The following CDH6 variants were observed in gnomAD, a reference collection of about 807,000 sequenced individuals.
The protein encoded by CDH6 is cadherin-6.
Under a neutral mutation model 78.0 loss-of-function variants are expected in CDH6, and 31 were observed. That is an observed-to-expected ratio of 0.40 (90% CI 0.30 to 0.54). The LOEUF is 0.54. Ranked by LOEUF, CDH6 falls within the 20% of genes least tolerant of loss-of-function variation. CDH6 has a pLI of 0.56. For missense variants in CDH6, 724 were observed against 975.9 expected, an observed-to-expected ratio of 0.74 and a Z score of 3.44; for synonymous variants, 376 against 368.8, an observed-to-expected ratio of 1.02 and a Z score of -0.23.
intron 1 of CDH6, among the ~76,000 whole-genome samples, chr5:31,240,023 T>C (rs1741557825): frequency 6.6e-6 from 1 of 152,188 alleles, no homozygotes; most frequent in African/African-American, 2.4e-5. Context: ...GGGAAATGAA[T>C]TGGACCAGCA....
rs2149963166 is a variant in CDH6 at position 31,324,823 on chromosome 5, T to G, written c.*1515T>G. On this transcript the variant is annotated 3_prime_UTR_variant, in exon 12 of 12. Coordinates refer to ENST00000265071, the MANE Select transcript of CDH6 (RefSeq NM_004932.4). ...TCGTTTATTTCACACGCTGTTCTAA[T>G]GGCACTTATCATTAGAATCTTACCT... 2 of 206,028 alleles carry G rather than the reference T, an allele frequency of 9.7e-6. No individual in the cohort carries two copies. The highest frequency in any genetic ancestry group is 1.9e-4 in the South Asian group (1 of 5,262). The allele number at this position is 206,028 out of a possible 1,614,324, so 12.8% of individuals were successfully genotyped here. A position where few individuals can be genotyped will look rare whatever the true frequency, so the allele number is the denominator to read the frequency against.
chr5:31,315,666 T>C (rs996088161), intron 8 of CDH6, among the ~76,000 whole-genome samples: 1 of 152,254 alleles, frequency 6.6e-6, no homozygotes, highest in Non-Finnish European at 1.5e-5. Context: ...GATAAATTAC[T>C]TAACTTCTCC....
At chr5:31,253,950 C>T (rs535897785) in intron 1 of CDH6, among the ~76,000 whole-genome samples, 2 of 152,246 alleles carry the variant, frequency 1.3e-5, no homozygotes, top group Admixed American at 6.5e-5. Flanking sequence ...GTTTCTCTTT[C>T]CATGGCTTCA....
chr5:31,259,702 CTCT>C (rs1347727975), intron 1 of CDH6, among the ~76,000 whole-genome samples: 6 of 152,226 alleles, frequency 3.9e-5, no homozygotes, highest in African/African-American at 7.2e-5. Context: ...AAAATGCTTT[CTCT>C]TCTTCTTTGT....
At chr5:31,238,110 A>G (rs1257570788) in intron 1 of CDH6, among the ~76,000 whole-genome samples, 1 of 152,154 alleles carries the variant, frequency 6.6e-6, no homozygotes, top group Non-Finnish European at 1.5e-5. Flanking sequence ...CTTTGTTCAG[A>G]TATTCTTGCA....
intron 1 of CDH6, among the ~76,000 whole-genome samples, chr5:31,265,772 T>TG (rs1205116199): frequency 1.5e-5 from 2 of 129,668 alleles, no homozygotes. Context: ...AGACAATGTT[T>TG]TTTTTTTTTT....
chr5:31,297,815 G>A (rs1393496930), intron 4 of CDH6, among the ~76,000 whole-genome samples: 1 of 152,164 alleles, frequency 6.6e-6, no homozygotes, highest in Non-Finnish European at 1.5e-5. Context: ...TGAATAAAAT[G>A]TGATAATGAT....
At position 31,327,217 on chromosome 5, in the gene CDH6, G is replaced by A. The variant is rs112372791; in HGVS notation, c.*3909G>A. 1,837 of 187,198 alleles carry A rather than the reference G, an allele frequency of 9.8e-3. 16 individuals carry two copies. The highest frequency in any genetic ancestry group is 0.015 in the Non-Finnish European group (1,328 of 88,652). The allele number at this position is 187,198 out of a possible 1,614,324, so 11.6% of individuals were successfully genotyped here. A position where few individuals can be genotyped will look rare whatever the true frequency, so the allele number is the denominator to read the frequency against. On this transcript the variant is annotated 3_prime_UTR_variant, in exon 12 of 12. Transcript: ENST00000265071. ...TCTATATACTCAAGCACCATAAAAA[G>A]TATGCAGTTGAAAAGAAAATCAAAG...
rs551480014 is a variant in CDH6 at position 31,294,811 on chromosome 5, C to T, written c.523+555C>T. ...GAAATGAAAAGACTTTCATAACATA[C>T]ATAGAGTGAATTAATATTTTTTACA... On this transcript the variant is annotated intron_variant, in intron 3 of 11. Coordinates refer to ENST00000265071, the MANE Select transcript of CDH6 (RefSeq NM_004932.4). This position sits in a 1 kb window ranked among gnomAD's most constrained non-coding sequence, Gnocchi z 4.1. Among the ~76,000 whole-genome samples the T allele has an allele frequency of 1.3e-5, 2 of 152,200 alleles. No homozygotes were observed. The highest frequency in any genetic ancestry group is 4.2e-4 in the South Asian group (2 of 4,816).
intron 1 of CDH6, chr5:31,249,200 C>T (rs1741839635): frequency 6.6e-6 from 1 of 152,114 alleles, no homozygotes. Context: ...AGTCTGTGTT[C>T]CTTTCCTTCA....
intron 9 of CDH6, among the ~76,000 whole-genome samples, chr5:31,316,886 A>G (rs1451067172): frequency 6.6e-6 from 1 of 152,182 alleles, no homozygotes; most frequent in Non-Finnish European, 1.5e-5. Flanking sequence ...CTTCTTTTTC[A>G]TTTTTTGCAA....
At chr5:31,283,068 G>A (rs1742905111) in intron 2 of CDH6, among the ~76,000 whole-genome samples, 1 of 152,186 alleles carries the variant, frequency 6.6e-6, no homozygotes, top group Admixed American at 6.5e-5. Flanking sequence ...TTTGATCAAT[G>A]TTCTCAATTT....
At chr5:31,209,862 G>A (rs547755833) in intron 1 of CDH6, among the ~76,000 whole-genome samples, 2 of 152,130 alleles carry the variant, frequency 1.3e-5, no homozygotes, top group South Asian at 4.1e-4. Context: ...ATGGTTGCTG[G>A]TGGCAATTGG....
intron 1 of CDH6, among the ~76,000 whole-genome samples, chr5:31,257,515 A>G (rs938107910): frequency 2.6e-5 from 4 of 152,190 alleles, no homozygotes; most frequent in Admixed American, 6.5e-5. Context: ...GCATTTAGTC[A>G]TTCTTACATT....
chr5:31,243,906 T>C (rs989516881), intron 1 of CDH6, among the ~76,000 whole-genome samples: 2 of 152,216 alleles, frequency 1.3e-5, no homozygotes, highest in East Asian at 3.8e-4. Flanking sequence ...ACCAAGCCTA[T>C]AAATACTATT....
At chr5:31,227,894 C>A in intron 1 of CDH6, among the ~76,000 whole-genome samples, 1 of 152,290 alleles carries the variant, frequency 6.6e-6, no homozygotes, top group Admixed American at 6.5e-5. Context: ...GCTGCTGCAA[C>A]GCACACCACA....
At chr5:31,265,900 A>G (rs1742335312) in intron 1 of CDH6, among the ~76,000 whole-genome samples, 1 of 143,814 alleles carries the variant, frequency 7.0e-6, no homozygotes, top group African/African-American at 2.6e-5. Context: ...TCAGCCTCCC[A>G]AGTAGCTGGG....
At chr5:31,227,266 C>A (rs1741179986) in intron 1 of CDH6, among the ~76,000 whole-genome samples, 1 of 152,110 alleles carries the variant, frequency 6.6e-6, no homozygotes, top group South Asian at 2.1e-4. Flanking sequence ...TCTCCCAAAC[C>A]CTCCTCACCC....
At chr5:31,265,668 G>T (rs1459482650) in intron 1 of CDH6, among the ~76,000 whole-genome samples, 1 of 151,380 alleles carries the variant, frequency 6.6e-6, no homozygotes, top group Admixed American at 6.6e-5. Context: ...TTCTTGATCT[G>T]CATGGTTTAG....
Sources: gnomAD v4.1 joint callset for allele counts (sites outside exome capture counted in the v4.1 genomes callset) on GRCh38, gnomAD v4.1.1 for gene constraint, Gnocchi (gnomAD v3.1) non-coding constraint, MANE v1.5 for transcripts, NCBI Gene and HGNC (gene_info 2026-07-23, HGNC 2026-07-21) for gene names.